The following FBXL7 variants were observed in gnomAD, a reference collection of about 807,000 sequenced individuals.
FBXL7 encodes F-box and leucine rich repeat protein 7.
A neutral mutation model predicts 38.3 loss-of-function variants in FBXL7; 12 were observed. The observed-to-expected ratio is 0.31, with a 90% CI of 0.20 to 0.51. The LOEUF is 0.51. FBXL7 is among the 20% of genes least tolerant of loss of function. The pLI, the probability that FBXL7 is intolerant of heterozygous loss-of-function variation, is 0.98. For synonymous variants in FBXL7, 297 were observed against 300.9 expected (o/e 0.99, Z 0.13); for missense variants, 567 against 676.4 (o/e 0.84, Z 1.79).
At chr5:15,838,567 C>T (rs992224040) in intron 2 of FBXL7, among the ~76,000 whole-genome samples, 11 of 152,204 alleles carry the variant, frequency 7.2e-5, no homozygotes, top group African/African-American at 1.9e-4. Flanking sequence ...ACACCCTAGA[C>T]GGATATTGAG....
intron 1 of FBXL7, among the ~76,000 whole-genome samples, chr5:15,576,859 C>T (rs921077490): frequency 2.6e-5 from 4 of 151,610 alleles, no homozygotes; most frequent in Non-Finnish European, 4.4e-5. Flanking sequence ...ATCTGTTTAT[C>T]TGTCTGTCTT....
Position 15,559,749 on chromosome 5 carries a change from G to A in FBXL7, c.38-56234G>A, listed in dbSNP as rs149124069. Among the ~76,000 whole-genome samples the A allele has an allele frequency of 5.3e-5, 8 of 152,356 alleles. No homozygotes were observed. The East Asian group carries it at 1.3e-3, about 26-fold the overall frequency. ...TAGGGCAAAGATTTGTAGCATGTGT[G>A]TAATTGCTTTGGCAATAAAACGCCT... On this transcript the variant is annotated intron_variant, in intron 1 of 3. Transcript: ENST00000504595.
chr5:15,827,444 T>A (rs1038552856), intron 2 of FBXL7, among the ~76,000 whole-genome samples: 1 of 152,212 alleles, frequency 6.6e-6, no homozygotes, highest in Non-Finnish European at 1.5e-5. Context: ...TTGACTTTGT[T>A]CTTCTATAAC....
At chr5:15,773,665 T>G (rs1736787205) in intron 2 of FBXL7, among the ~76,000 whole-genome samples, 1 of 152,050 alleles carries the variant, frequency 6.6e-6, no homozygotes, top group African/African-American at 2.4e-5. Flanking sequence ...TTTCCAAAAC[T>G]TAGAGAATTT....
chr5:15,513,877 T>C (rs1185305761), intron 1 of FBXL7, among the ~76,000 whole-genome samples: 1 of 152,230 alleles, frequency 6.6e-6, no homozygotes, highest in African/African-American at 2.4e-5. Context: ...TGCATCCACT[T>C]TGCTTATTTA....
intron 2 of FBXL7, among the ~76,000 whole-genome samples, chr5:15,709,512 TGACAGAGCAA>T (rs1266788261): frequency 6.8e-6 from 1 of 146,674 alleles, no homozygotes; most frequent in African/African-American, 2.5e-5. Flanking sequence ...CCACCCTGGG[TGACAGAGCAA>T]GACTCTGTCT....
At position 15,758,740 on chromosome 5, in the gene FBXL7, T is replaced by G. The variant is rs945647097; in HGVS notation, c.127+142668T>G. On this transcript the variant is annotated intron_variant, in intron 2 of 3. Transcript: ENST00000504595. ...ACAGCAAGGTGTTTAAGGGATTGTC[T>G]CTGTCTTGTTGTGTGTGATTGTAGG... 3.9e-4 allele frequency among the ~76,000 whole-genome samples: 60 copies of G among 152,190 alleles called. 2 individuals are homozygous for G.
intron 2 of FBXL7, among the ~76,000 whole-genome samples, chr5:15,712,858 A>C (rs1022330386): frequency 6.6e-6 from 1 of 152,136 alleles, no homozygotes; most frequent in African/African-American, 2.4e-5. Context: ...TGACCAGACT[A>C]ATAGCCCACC....
chr5:15,872,737 C>G (rs1474736746), intron 2 of FBXL7, among the ~76,000 whole-genome samples: 2 of 152,112 alleles, frequency 1.3e-5, no homozygotes, highest in Non-Finnish European at 2.9e-5. Context: ...GTTAACTATC[C>G]TAAATATATT....
At chr5:15,529,628 T>C (rs1317850834) in intron 1 of FBXL7, among the ~76,000 whole-genome samples, 1 of 152,166 alleles carries the variant, frequency 6.6e-6, no homozygotes, top group Non-Finnish European at 1.5e-5. Flanking sequence ...GACCTCGTGA[T>C]CCACCCACCT....
intron 2 of FBXL7, among the ~76,000 whole-genome samples, chr5:15,903,981 C>T (rs1741294889): frequency 6.6e-6 from 1 of 152,038 alleles, no homozygotes; most frequent in African/African-American, 2.4e-5. Flanking sequence ...ATGGTTATTT[C>T]AGGGATCTAA....
Position 15,559,688 on chromosome 5 carries a change from AAAAC to A in FBXL7, c.38-56287_38-56284del, listed in dbSNP as rs528332494. Among the ~76,000 whole-genome samples the A allele has an allele frequency of 9.6e-4, 146 of 152,348 alleles. 1 individual carries two copies. Among genetic ancestry groups the A allele is most frequent in the African/African-American group, 2.7e-3 (111 of 41,576 alleles). On this transcript the variant is annotated intron_variant, in intron 1 of 3. Coordinates refer to ENST00000504595, the MANE Select transcript of FBXL7 (RefSeq NM_012304.5). Reference sequence around the variant, plus strand: ...ATATTTGATAAAGCAAAACATCTGTAAAACAAACAAAAAAGAAGACAAAGATTAG... The same window carrying A: ...ATATTTGATAAAGCAAAACATCTGTAAAACAAAAAAGAAGACAAAGATTAG...
At chr5:15,819,895 G>T (rs1738125381) in intron 2 of FBXL7, among the ~76,000 whole-genome samples, 1 of 152,154 alleles carries the variant, frequency 6.6e-6, no homozygotes, top group Non-Finnish European at 1.5e-5. Flanking sequence ...AGTGGTGGTT[G>T]TTCATCTTCA....
chr5:15,861,883 T>C (rs962080964), intron 2 of FBXL7, among the ~76,000 whole-genome samples: 9 of 152,230 alleles, frequency 5.9e-5, no homozygotes, highest in African/African-American at 2.2e-4. Flanking sequence ...TAGGTTGCAG[T>C]AATCTTCTAC....
At chr5:15,658,931 T>TAA (rs1741970656) in intron 2 of FBXL7, among the ~76,000 whole-genome samples, 2 of 152,194 alleles carry the variant, frequency 1.3e-5, no homozygotes, top group East Asian at 1.9e-4. Context: ...AAATTGGGCA[T>TAA]AAGACAATAT....
At chr5:15,747,390 G>A (rs1736042693) in intron 2 of FBXL7, among the ~76,000 whole-genome samples, 1 of 152,140 alleles carries the variant, frequency 6.6e-6, no homozygotes, top group Non-Finnish European at 1.5e-5. Flanking sequence ...TCTCCCAAAA[G>A]AGCAACAGGA....
chr5:15,931,262 A>C (rs1449507180), intron 3 of FBXL7, among the ~76,000 whole-genome samples: 1 of 152,254 alleles, frequency 6.6e-6, no homozygotes, highest in Non-Finnish European at 1.5e-5. Context: ...AGCTGTATGA[A>C]ATCTGGAATC....
Position 15,928,261 on chromosome 5 carries a change from G to A in FBXL7, c.499G>A (p.Asp167Asn), listed in dbSNP as rs1254354081. Residue 167 changes from aspartate (D) to asparagine (N), a missense_variant, in exon 3 of 4, where the codon GAC (aspartate) becomes AAC (asparagine). Transcript: ENST00000504595. This position sits in a 1 kb window ranked among gnomAD's most constrained non-coding sequence, Gnocchi z 4.0. ...CCTGACGGGCGAGACCATCAACGTG[G>A]ACCGCGCCCTCAAGGTGCTGACCCG... is the stretch of plus-strand genomic sequence containing the variant. ...IRLTGETINVDRALKVLTRRL... is the reference protein window; with the variant it reads ...IRLTGETINVNRALKVLTRRL... 6.2e-7 allele frequency: 1 copy of A among 1,612,286 alleles called. No individual in the cohort carries two copies. Among genetic ancestry groups the A allele is most frequent in the Non-Finnish European group, 8.5e-7 (1 of 1,179,218 alleles).
chr5:15,529,445 G>A (rs901922219), intron 1 of FBXL7, among the ~76,000 whole-genome samples: 2 of 151,838 alleles, frequency 1.3e-5, no homozygotes, highest in Non-Finnish European at 2.9e-5. Flanking sequence ...GAGTGCAGTG[G>A]CGCGATCTCG....
Sources: allele counts gnomAD v4.1 joint callset (sites outside exome capture counted in the v4.1 genomes callset), GRCh38; gene constraint gnomAD v4.1.1; non-coding constraint Gnocchi (gnomAD v3.1); transcripts MANE v1.5; gene names NCBI Gene and HGNC (gene_info 2026-07-23, HGNC 2026-07-21).